The following GLRA3 variants were observed in gnomAD, a reference collection of about 807,000 sequenced individuals.
GLRA3 encodes the protein glycine receptor alpha 3.
GLRA3 carries 44 observed loss-of-function variants against 60.4 expected under a neutral mutation model. That is an observed-to-expected ratio of 0.73 (90% confidence interval 0.57 to 0.94). The LOEUF is 0.94. Among genes scored for constraint, GLRA3 ranks in the 40% least tolerant of loss-of-function variants. The pLI is 0.00. For synonymous variants in GLRA3, 223 were observed against 192.9 expected (o/e 1.16, Z -1.29); for missense variants, 508 against 564.6 (o/e 0.90, Z 1.02).
chr4:174,689,597 CCT>C (rs1415791927), intron 5 of GLRA3, among the ~76,000 whole-genome samples: 2 of 151,510 alleles, frequency 1.3e-5, no homozygotes, highest in Admixed American at 6.6e-5. Context: ...TTCTGAGTTT[CCT>C]CTGTCTATCA....
chr4:174,677,123 T>C lies in GLRA3; in HGVS notation c.882A>G (p.Leu294=). ...ATCCTGAACTCTGTGTAGTCATCGT[T>C]AGCACAGTGGTTATCCCCAGAGCTA... is the stretch of plus-strand genomic sequence containing the variant. The part of the protein sequence containing the change: ...ARVALGITTV[L]TMTTQSSGSR... Residue 294 remains leucine, a synonymous_variant, in exon 7 of 10, where the codon CTA becomes CTG. Coordinates refer to ENST00000274093, the MANE Select transcript of GLRA3 (RefSeq NM_006529.4). 1 of 1,613,540 alleles carries C rather than the reference T, an allele frequency of 6.2e-7. No homozygotes were observed. The highest frequency in any genetic ancestry group is 1.1e-5 in the South Asian group (1 of 91,080).
At chr4:174,808,599 G>GCAGGT (rs2111361919) in intron 1 of GLRA3, among the ~76,000 whole-genome samples, 1 of 152,104 alleles carries the variant, frequency 6.6e-6, no homozygotes, top group South Asian at 2.1e-4. Flanking sequence ...ATATCCTCAG[G>GCAGGT]CAGGTCCTTC....
chr4:174,711,676 G>A (rs1014113995), intron 5 of GLRA3, among the ~76,000 whole-genome samples: 16 of 151,984 alleles, frequency 1.1e-4, no homozygotes, highest in Admixed American at 4.6e-4. Flanking sequence ...CTGACCTCAA[G>A]TGATCCACCT....
At chr4:174,661,298 G>C (rs1163344438) in intron 7 of GLRA3, among the ~76,000 whole-genome samples, 2 of 151,982 alleles carry the variant, frequency 1.3e-5, no homozygotes, top group African/African-American at 4.8e-5. Context: ...CAACACCACA[G>C]GGTTCCCTTT....
chr4:174,758,101 T>C (rs1288008406), intron 3 of GLRA3, among the ~76,000 whole-genome samples: 4 of 152,168 alleles, frequency 2.6e-5, no homozygotes, highest in Non-Finnish European at 2.9e-5. Context: ...TGGAAGTAGA[T>C]GCTGGTGCCA....
At chr4:174,810,283 A>G (rs1740210132) in intron 1 of GLRA3, among the ~76,000 whole-genome samples, 1 of 152,156 alleles carries the variant, frequency 6.6e-6, no homozygotes, top group African/African-American at 2.4e-5. Flanking sequence ...AACCTCCTCA[A>G]CAGAATATTC....
In GLRA3 at chr4:174,704,933, G is replaced by C. The variant is rs2111060708; in HGVS notation, c.574+10555C>G. ...GTGGAATGGTGGTTCTCAGTGGCAA[G>C]AGGAAGGGGGAAATGGAGAGTTGTT... On this transcript the variant is annotated intron_variant, in intron 5 of 9. Coordinates refer to ENST00000274093, the MANE Select transcript of GLRA3 (RefSeq NM_006529.4). Among the ~76,000 whole-genome samples, 2 of 143,236 alleles carry C rather than the reference G, an allele frequency of 1.4e-5. 1 individual carries two copies. 94.0% of individuals were successfully genotyped at this position (143,236 alleles called of 152,430 possible).
rs10541642 is a variant in GLRA3 at position 174,639,372 on chromosome 4, ATGTG to A, written c.*4410_*4413del. 3,742 of 146,648 alleles carry A rather than the reference ATGTG, an allele frequency of 0.026. 91 individuals carry two copies. The highest frequency in any genetic ancestry group is 0.06 in the African/African-American group (2,379 of 39,764). 9.1% of individuals were successfully genotyped at this position (146,648 alleles called of 1,614,324 possible). ...AATTCATCTCATTACCAATATGTGT[ATGTG>A]TGTGTGTGTGTGTGTGTGTGTGTGT... On this transcript the variant is annotated 3_prime_UTR_variant, in exon 10 of 10. Coordinates refer to ENST00000274093, the MANE Select transcript of GLRA3 (RefSeq NM_006529.4).
At chr4:174,697,111 A>G (rs1735089221) in intron 5 of GLRA3, among the ~76,000 whole-genome samples, 1 of 152,228 alleles carries the variant, frequency 6.6e-6, no homozygotes, top group Non-Finnish European at 1.5e-5. Flanking sequence ...AAAACTTTAC[A>G]CAACGGGTAA....
chr4:174,665,991 C>T (rs1318281575), intron 7 of GLRA3, among the ~76,000 whole-genome samples: 2 of 152,106 alleles, frequency 1.3e-5, no homozygotes, highest in African/African-American at 4.8e-5. Context: ...GAAACAGTTG[C>T]AGTGAAATAA....
chr4:174,827,252 G>A (rs1741013646), intron 1 of GLRA3, among the ~76,000 whole-genome samples: 1 of 151,768 alleles, frequency 6.6e-6, no homozygotes, highest in Admixed American at 6.6e-5. Flanking sequence ...AGAATCTAGT[G>A]ATGAAGATTA....
At position 174,738,756 on chromosome 4, in the gene GLRA3, CAT is replaced by C. The variant is rs1561087745; in HGVS notation, c.268-10060_268-10059del. 2.0e-5 allele frequency among the ~76,000 whole-genome samples: 3 copies of C among 152,292 alleles called. No homozygotes were observed. In the South Asian group the frequency reaches 6.2e-4, roughly 32 times the overall value. ...AAAATTATTTGAAGTGATGAGAACA[CAT>C]GTACTAAATTAAGCATCTTTACCAG... On this transcript the variant is annotated intron_variant, in intron 3 of 9. Transcript: ENST00000274093.
At chr4:174,814,156 T>C (rs987714425) in intron 1 of GLRA3, among the ~76,000 whole-genome samples, 1 of 152,156 alleles carries the variant, frequency 6.6e-6, no homozygotes. Flanking sequence ...GTTTAACAGC[T>C]CAATAGGGGG....
intron 9 of GLRA3, among the ~76,000 whole-genome samples, chr4:174,652,527 C>A (rs905104523): frequency 1.3e-5 from 2 of 151,938 alleles, no homozygotes; most frequent in Admixed American, 1.3e-4. Flanking sequence ...AACCATTTAG[C>A]TACTGCACAA....
intron 5 of GLRA3, among the ~76,000 whole-genome samples, chr4:174,691,821 G>A (rs373564991): frequency 0.42 from 62,868 of 151,182 alleles, 13,611 homozygotes; most frequent in Middle Eastern, 0.53. Flanking sequence ...CACCCCATCT[G>A]GGAAGTGAGG....
In GLRA3 at chr4:174,675,131, G is replaced by A. The variant is rs545240689; in HGVS notation, c.927+1947C>T. Among the ~76,000 whole-genome samples, 6 of 152,030 alleles carry A rather than the reference G, an allele frequency of 3.9e-5. No individual in the cohort carries two copies. The South Asian group carries it at 1.2e-3, about 32-fold the overall frequency. Reference sequence around the variant, plus strand: ...ACTTTCTCAATCAATTCCTTTTGTGGGTCAGAGTCACACCTGTCATCACAT... The same window carrying A: ...ACTTTCTCAATCAATTCCTTTTGTGAGTCAGAGTCACACCTGTCATCACAT... On this transcript the variant is annotated intron_variant, in intron 7 of 9. Transcript: ENST00000274093.
intron 2 of GLRA3, among the ~76,000 whole-genome samples, chr4:174,769,054 GC>G (rs1738273678): frequency 6.6e-6 from 1 of 151,934 alleles, no homozygotes; most frequent in South Asian, 2.1e-4. Context: ...CTACAAAAAT[GC>G]CTAGTAGCCC....
At chr4:174,731,920 A>C (rs1736561957) in intron 3 of GLRA3, among the ~76,000 whole-genome samples, 1 of 152,264 alleles carries the variant, frequency 6.6e-6, no homozygotes, top group Non-Finnish European at 1.5e-5. Flanking sequence ...ATAAGTAAAC[A>C]AAGAAGTGCA....
chr4:174,783,033 A>G (rs528825688), intron 2 of GLRA3, among the ~76,000 whole-genome samples: 1 of 152,360 alleles, frequency 6.6e-6, no homozygotes, highest in South Asian at 2.1e-4. Context: ...CCAAAAGAAC[A>G]AAGCTGGAAG....
Sources: gnomAD v4.1 joint callset for allele counts (sites outside exome capture counted in the v4.1 genomes callset) on GRCh38, gnomAD v4.1.1 for gene constraint, MANE v1.5 for transcripts, NCBI Gene and HGNC (gene_info 2026-07-23, HGNC 2026-07-21) for gene names.